Variants in TAFA1 observed in about 807,000 individuals in gnomAD.
TAFA1 encodes the protein chemokine-like protein TAFA-1.
In TAFA1, 4 loss-of-function variants were observed where a neutral mutation model predicts 18.5. The ratio of observed to expected loss-of-function variants is 0.22; its 90% confidence interval spans 0.11 to 0.49. The LOEUF (loss-of-function observed/expected upper bound fraction) is 0.49. Among genes scored for constraint, TAFA1 ranks in the 20% least tolerant of loss-of-function variants. The pLI, the probability that TAFA1 is intolerant of heterozygous loss-of-function variation, is 0.98. For missense variants in TAFA1, 147 were observed against 169.0 expected, an observed-to-expected ratio of 0.87 and a Z score of 0.72; for synonymous variants, 56 against 55.2, an observed-to-expected ratio of 1.01 and a Z score of -0.06.
At chr3:68,123,538 T>G (rs2065425819) in intron 2 of TAFA1, among the ~76,000 whole-genome samples, 1 of 152,186 alleles carries the variant, frequency 6.6e-6, no homozygotes, top group Non-Finnish European at 1.5e-5. Context: ...TGATCTCCAG[T>G]CTGGTAAGAC....
chr3:68,086,564 A>G (rs1315274123), intron 2 of TAFA1, among the ~76,000 whole-genome samples: 1 of 152,220 alleles, frequency 6.6e-6, no homozygotes, highest in Non-Finnish European at 1.5e-5. Context: ...TTTTGACTAT[A>G]ATTTTTCCTT....
intron 2 of TAFA1, among the ~76,000 whole-genome samples, chr3:68,088,943 G>A (rs556140505): frequency 6.6e-6 from 1 of 152,114 alleles, no homozygotes; most frequent in South Asian, 2.1e-4. Context: ...TAGGATGTAG[G>A]GGGAGAGGGA....
intron 2 of TAFA1, among the ~76,000 whole-genome samples, chr3:68,416,595 G>T (rs1021422773): frequency 4.6e-5 from 7 of 152,194 alleles, no homozygotes; most frequent in Admixed American, 1.3e-4. Context: ...CAGTTCACCT[G>T]CTAAGATCGT....
At chr3:68,419,270 G>T (rs1413234871) in intron 3 of TAFA1, among the ~76,000 whole-genome samples, 1 of 152,224 alleles carries the variant, frequency 6.6e-6, no homozygotes, top group Non-Finnish European at 1.5e-5. Context: ...AAGACCAGCA[G>T]TCAGGGATCA....
intron 3 of TAFA1, among the ~76,000 whole-genome samples, chr3:68,421,205 T>G (rs770160550): frequency 4.6e-5 from 7 of 152,186 alleles, no homozygotes; most frequent in Non-Finnish European, 7.3e-5. Context: ...AAAACTTTGT[T>G]CGACTTTGGG....
intron 2 of TAFA1, among the ~76,000 whole-genome samples, chr3:68,273,459 C>A (rs953439097): frequency 3.3e-5 from 5 of 152,106 alleles, no homozygotes; most frequent in African/African-American, 7.2e-5. Flanking sequence ...TCCTCATAAC[C>A]CCATATGCTT....
chr3:68,148,022 C>A (rs1168202106), intron 2 of TAFA1, among the ~76,000 whole-genome samples: 2 of 152,188 alleles, frequency 1.3e-5, no homozygotes, highest in African/African-American at 4.8e-5. Context: ...AAAAGCAGGA[C>A]TCTGCTTCTG....
intron 2 of TAFA1, among the ~76,000 whole-genome samples, chr3:68,117,506 TC>T (rs1310250029): frequency 6.6e-6 from 1 of 152,204 alleles, no homozygotes; most frequent in Non-Finnish European, 1.5e-5. Flanking sequence ...ACACTATCTT[TC>T]AATAGATAGC....
chr3:68,530,302 T>G (rs946157551), intron 3 of TAFA1, among the ~76,000 whole-genome samples: 2 of 152,196 alleles, frequency 1.3e-5, no homozygotes, highest in Non-Finnish European at 2.9e-5. Flanking sequence ...ACAACCATAA[T>G]GAAAAACAGA....
At chr3:68,101,052 G>T (rs1559520438) in intron 2 of TAFA1, among the ~76,000 whole-genome samples, 1 of 152,050 alleles carries the variant, frequency 6.6e-6, no homozygotes, top group Non-Finnish European at 1.5e-5. Context: ...GTGCAGGTTT[G>T]TTACATAGGT....
intron 2 of TAFA1, among the ~76,000 whole-genome samples, chr3:68,289,758 G>A (rs545210364): frequency 6.6e-6 from 1 of 152,246 alleles, no homozygotes; most frequent in East Asian, 1.9e-4. Context: ...AGAAATTAAG[G>A]GTGTCTCCTT....
At chr3:68,396,817 G>A (rs147387274) in intron 2 of TAFA1, among the ~76,000 whole-genome samples, 68 of 152,190 alleles carry the variant, frequency 4.5e-4, no homozygotes, top group African/African-American at 1.6e-3. Flanking sequence ...CTTTCATCAC[G>A]TTATTTTACC....
chr3:68,441,020 T>C (rs2071367821), intron 3 of TAFA1, among the ~76,000 whole-genome samples: 1 of 152,096 alleles, frequency 6.6e-6, no homozygotes, highest in Non-Finnish European at 1.5e-5. Flanking sequence ...TTTCTAGGGG[T>C]CCAGTGGTGT....
At chr3:68,166,514 G>A (rs768687781) in intron 2 of TAFA1, among the ~76,000 whole-genome samples, 1 of 152,126 alleles carries the variant, frequency 6.6e-6, no homozygotes, top group Non-Finnish European at 1.5e-5. Context: ...GAAAGGTAAA[G>A]CTACCTCTGC....
chr3:68,098,150 G>A (rs2065108786), intron 2 of TAFA1, among the ~76,000 whole-genome samples: 1 of 152,172 alleles, frequency 6.6e-6, no homozygotes, highest in African/African-American at 2.4e-5. Flanking sequence ...GAAACTTGCA[G>A]TAGATTCAGT....
At chr3:68,284,602 C>T (rs982782699) in intron 2 of TAFA1, among the ~76,000 whole-genome samples, 3 of 152,094 alleles carry the variant, frequency 2.0e-5, no homozygotes, top group Non-Finnish European at 4.4e-5. Flanking sequence ...ATGAACTGTG[C>T]TATGTTCATA....
At chr3:68,177,532 T>C (rs567185979) in intron 2 of TAFA1, among the ~76,000 whole-genome samples, 1 of 152,340 alleles carries the variant, frequency 6.6e-6, no homozygotes, top group Admixed American at 6.5e-5. Flanking sequence ...TCCTATTATA[T>C]TCAATTTGTG....
intron 2 of TAFA1, among the ~76,000 whole-genome samples, chr3:68,271,622 A>T (rs776747929): frequency 6.6e-6 from 1 of 152,124 alleles, no homozygotes; most frequent in Non-Finnish European, 1.5e-5. Flanking sequence ...CAAAGTTATG[A>T]TGTTGAGAAA....
At chr3:68,528,876 G>C (rs2073146091) in intron 3 of TAFA1, among the ~76,000 whole-genome samples, 1 of 152,026 alleles carries the variant, frequency 6.6e-6, no homozygotes, top group African/African-American at 2.4e-5. Context: ...TTATTCTTTA[G>C]AGTAATAAAA....
Sources: allele counts gnomAD v4.1 joint callset (sites outside exome capture counted in the v4.1 genomes callset), GRCh38; gene constraint gnomAD v4.1.1; transcripts MANE v1.5; gene names NCBI Gene and HGNC (gene_info 2026-07-23, HGNC 2026-07-21).